The following COL4A6 variants were observed in gnomAD, a reference collection of about 807,000 sequenced individuals.
COL4A6 encodes the protein collagen alpha-6(IV) chain.
Under a neutral mutation model 126.7 loss-of-function variants are expected in COL4A6, and 59 were observed. The observed-to-expected ratio is 0.47, with a 90% CI of 0.38 to 0.58. The LOEUF (loss-of-function observed/expected upper bound fraction) is 0.58, where lower values mean the gene tolerates loss of function less well. COL4A6 is among the 20% of genes least tolerant of loss of function. The pLI is 0.00. For missense variants in COL4A6, 1,285 were observed against 1,337.3 expected (o/e 0.96, Z 0.61); for synonymous variants, 547 against 496.6 (o/e 1.10, Z -1.35).
In COL4A6 at chrX:108,309,777, T is replaced by G. The variant is rs187326228; in HGVS notation, c.144+971A>C. 4.7e-3 allele frequency among the ~76,000 whole-genome samples: 483 copies of G among 103,290 alleles called. 2 individuals are homozygous for G. The highest frequency in any genetic ancestry group is 0.016 in the African/African-American group (450 of 28,116). The allele number at this position is 103,290 out of a possible 115,157, so 89.7% of individuals were successfully genotyped here. A position where few individuals can be genotyped will look rare whatever the true frequency, so the allele number is the denominator to read the frequency against. On this transcript the variant is annotated intron_variant, in intron 3 of 44. Coordinates refer to ENST00000334504, the MANE Select transcript of COL4A6 (RefSeq NM_033641.4). The stretch of plus-strand genomic sequence containing the variant: ...GCTAGAAATGGGAAGTTCTGAACTC[T>G]GTAGGATGGCCATTAATCCTGGAAA...
chrX:108,343,173 T>TATA (rs1569434562), intron 2 of COL4A6, among the ~76,000 whole-genome samples: 26 of 94,282 alleles, frequency 2.8e-4, no homozygotes, highest in African/African-American at 1.1e-3. Flanking sequence ...ATAGTGTGTG[T>TATA]GTGTGTGTGT....
At chrX:108,236,098 A>G (rs1288670164) in intron 3 of COL4A6, among the ~76,000 whole-genome samples, 1 of 111,727 alleles carries the variant, frequency 9.0e-6, no homozygotes, top group Non-Finnish European at 1.9e-5. Context: ...AGAATTCTGT[A>G]GAGATAAAGT....
At chrX:108,244,957 T>C (rs919095894) in intron 3 of COL4A6, among the ~76,000 whole-genome samples, 2 of 111,809 alleles carry the variant, frequency 1.8e-5, no homozygotes, top group Non-Finnish European at 3.8e-5. Flanking sequence ...GAGGGACAAG[T>C]CATGTGCTAC....
intron 2 of COL4A6, among the ~76,000 whole-genome samples, chrX:108,350,976 T>C (rs766195310): frequency 9.0e-6 from 1 of 111,591 alleles, no homozygotes; most frequent in Admixed American, 9.5e-5. Flanking sequence ...GCTTACGCTA[T>C]AGAGCCTGGG....
At chrX:108,414,489 C>T (rs780788890) in intron 2 of COL4A6, among the ~76,000 whole-genome samples, 1 of 110,312 alleles carries the variant, frequency 9.1e-6, no homozygotes, top group Non-Finnish European at 1.9e-5. Flanking sequence ...TAAATAAAAT[C>T]CTACCCCTGG....
intron 3 of COL4A6, among the ~76,000 whole-genome samples, chrX:108,239,846 C>G (rs1049485285): frequency 8.9e-6 from 1 of 112,196 alleles, no homozygotes; most frequent in African/African-American, 3.2e-5. Context: ...GTTCTTTATT[C>G]AAAAATCAAT....
intron 8 of COL4A6, among the ~76,000 whole-genome samples, chrX:108,208,068 T>C (rs763647528): frequency 8.9e-6 from 1 of 112,144 alleles, no homozygotes; most frequent in Admixed American, 9.5e-5. Flanking sequence ...CAAATAATAT[T>C]ATCAGAGATA....
intron 25 of COL4A6, among the ~76,000 whole-genome samples, chrX:108,179,937 G>T (rs921477927): frequency 1.4e-4 from 15 of 109,178 alleles, no homozygotes; most frequent in Admixed American, 1.1e-3. Flanking sequence ...ATCCCCAGAG[G>T]TTATGATCAG....
intron 36 of COL4A6, 63 bp from the exon 37 acceptor site, chrX:108,169,683 C>A: frequency 1.7e-6 from 2 of 1,145,657 alleles, no homozygotes; most frequent in Non-Finnish European, 1.2e-6. Flanking sequence ...CTGCCTAACT[C>A]ACTCGCCTGT....
At chrX:108,257,972 T>C (rs1012237872) in intron 3 of COL4A6, among the ~76,000 whole-genome samples, 5 of 111,759 alleles carry the variant, frequency 4.5e-5, no homozygotes, top group Non-Finnish European at 7.5e-5. Context: ...GGGAAGGGAA[T>C]GGCAGCAAGA....
intron 3 of COL4A6, among the ~76,000 whole-genome samples, chrX:108,291,321 T>A (rs1043971209): frequency 2.7e-5 from 3 of 112,592 alleles, no homozygotes; most frequent in Non-Finnish European, 3.8e-5. Flanking sequence ...CAACCTTTTT[T>A]AAAAATTGGG....
At chrX:108,162,390 GGAAGAAGAAAAGAA>G (rs1237333935) in intron 41 of COL4A6, among the ~76,000 whole-genome samples, 1 of 106,328 alleles carries the variant, frequency 9.4e-6, no homozygotes, top group African/African-American at 3.4e-5. Flanking sequence ...AGGAGGAGGA[GGAAGAAGAAAAGAA>G]GAAGAAGAAG....
chrX:108,169,829 GGA>G, intron 36 of COL4A6, 114 bp downstream of exon 36: 1 of 838,701 alleles, frequency 1.2e-6, no homozygotes, highest in South Asian at 2.4e-5. Context: ...AGGTTAATAA[GGA>G]GAGCTATGAG....
chrX:108,276,978 T>C (rs1465722600), intron 3 of COL4A6, among the ~76,000 whole-genome samples: 1 of 112,329 alleles, frequency 8.9e-6, no homozygotes, highest in African/African-American at 3.2e-5. Flanking sequence ...AACAAAATCT[T>C]AGAGAATTTC....
chrX:108,193,464 G>A (rs752081642), intron 17 of COL4A6, among the ~76,000 whole-genome samples, 164 bp downstream of exon 17: 106 of 111,750 alleles, frequency 9.5e-4, no homozygotes, highest in African/African-American at 3.3e-3. Flanking sequence ...CCAAGAGATT[G>A]GAGATAGCTT....
At chrX:108,387,826 C>T (rs2040737232) in intron 2 of COL4A6, among the ~76,000 whole-genome samples, 1 of 111,913 alleles carries the variant, frequency 8.9e-6, no homozygotes, top group East Asian at 2.8e-4. Flanking sequence ...AGTTTTTGCC[C>T]ATTCAGTATG....
chrX:108,198,246 A>T (rs1347271884), intron 13 of COL4A6, among the ~76,000 whole-genome samples: 1 of 111,700 alleles, frequency 9.0e-6, no homozygotes, highest in East Asian at 2.8e-4. Flanking sequence ...GAATGGAATA[A>T]TGGCCAAGAG....
intron 17 of COL4A6, 52 bp from the exon 18 acceptor site, chrX:108,192,632 A>G: frequency 1.2e-6 from 1 of 845,576 alleles, no homozygotes. Context: ...AGGCCCACAG[A>G]TGCTACAAAA....
chrX:108,261,720 G>A (rs940275106), intron 3 of COL4A6, among the ~76,000 whole-genome samples: 4 of 111,560 alleles, frequency 3.6e-5, no homozygotes, highest in African/African-American at 1.3e-4. Context: ...GGATCAAGAG[G>A]AGGCAGGGGA....
Sources: gnomAD v4.1 joint callset for allele counts (sites outside exome capture counted in the v4.1 genomes callset) on GRCh38, gnomAD v4.1.1 for gene constraint, MANE v1.5 for transcripts, NCBI Gene and HGNC (gene_info 2026-07-23, HGNC 2026-07-21) for gene names.